PCCA: variants seen among roughly 807,000 people sequenced by gnomAD.
PCCA encodes the protein propionyl-CoA carboxylase alpha chain, mitochondrial.
Under a neutral mutation model 101.3 loss-of-function variants are expected in PCCA, and 74 were observed. That is an observed-to-expected ratio of 0.73 (90% CI 0.61 to 0.89). The LOEUF (loss-of-function observed/expected upper bound fraction) is 0.89. Among genes scored for constraint, PCCA ranks in the 40% least tolerant of loss-of-function variants. The probability of loss-of-function intolerance (pLI) is 0.00; values close to 1 mark genes in which losing one functional copy is unlikely to be tolerated. For synonymous variants in PCCA, 294 were observed against 313.6 expected, an observed-to-expected ratio of 0.94 and a Z score of 0.66; for missense variants, 891 against 907.0, an observed-to-expected ratio of 0.98 and a Z score of 0.23.
In PCCA at chr13:100,348,727, CCTTTCTTTCTTTCTTT is replaced by C. The variant is rs139583993; in HGVS notation, c.1643+8516_1643+8531del. Among the ~76,000 whole-genome samples, 441 of 99,382 alleles carry C rather than the reference CCTTTCTTTCTTTCTTT, an allele frequency of 4.4e-3. 5 individuals carry two copies. The highest frequency in any genetic ancestry group is 9.9e-3 in the African/African-American group (253 of 25,634). 65.2% of individuals were successfully genotyped at this position (99,382 alleles called of 152,430 possible). Reference sequence around the variant, plus strand: ...TCAGCTTTTACTTTCCGTTTTTTTTCCTTTCTTTCTTTCTTTCTTTCTTTCTTTCTTTCTTTCTTTC... The same window carrying C: ...TCAGCTTTTACTTTCCGTTTTTTTTCCTTTCTTTCTTTCTTTCTTTCTTTC... On this transcript the variant is annotated intron_variant, in intron 18 of 23. Transcript: ENST00000376285.
intron 6 of PCCA, among the ~76,000 whole-genome samples, chr13:100,168,577 T>A (rs544948725): frequency 6.6e-6 from 1 of 152,358 alleles, no homozygotes; most frequent in African/African-American, 2.4e-5. Context: ...TAGCTGTTAC[T>A]TATGCTAGTA....
At chr13:100,418,389 C>A (rs1427983748) in intron 19 of PCCA, among the ~76,000 whole-genome samples, 1 of 152,202 alleles carries the variant, frequency 6.6e-6, no homozygotes, top group African/African-American at 2.4e-5. Context: ...TCAGTGATTC[C>A]TTCCTGTCTT....
intron 20 of PCCA, among the ~76,000 whole-genome samples, chr13:100,440,155 A>ATT (rs1431592986): frequency 1.2e-4 from 12 of 102,876 alleles, no homozygotes; most frequent in African/African-American, 2.9e-4. Flanking sequence ...AGAGTATTAA[A>ATT]TTATATATAT....
chr13:100,180,066 G>A (rs76377454), intron 6 of PCCA, among the ~76,000 whole-genome samples: 15,085 of 152,088 alleles, frequency 0.099, 834 homozygotes, highest in Middle Eastern at 0.2. Context: ...TAAGAAGCTG[G>A]GATTTAGGTC....
At chr13:100,526,759 G>A (rs1211110283) in intron 22 of PCCA, among the ~76,000 whole-genome samples, 5 of 152,254 alleles carry the variant, frequency 3.3e-5, no homozygotes, top group African/African-American at 9.6e-5. Context: ...CGAAGTGAGT[G>A]CGCAGCATGG....
chr13:100,340,217 T>C lies in PCCA; in HGVS notation c.1601T>C (p.Val534Ala). 6.2e-7 allele frequency: 1 copy of C among 1,611,222 alleles called. No individual in the cohort carries two copies. The highest frequency in any genetic ancestry group is 8.5e-7 in the Non-Finnish European group (1 of 1,177,386). The change falls in exon 18 of 24, where the codon GTG becomes GCG. Residue 534 changes from valine (V) to alanine (A), a missense_variant. Physicochemically the swap from Val to Ala is moderately conservative, Grantham distance 64. Transcript: ENST00000376285. ...TTGGCAATAGCATCATCATTGTTTG[T>C]GGCATTCCAGTTAAGAGCACAACAT... ...QLLAIASSLF[V>A]AFQLRAQHFQ...
At chr13:100,150,942 C>G (rs970498180) in intron 4 of PCCA, 21 of 1,528,328 alleles carry the variant, frequency 1.4e-5, no homozygotes, top group Non-Finnish European at 3.6e-6. Context: ...GCCTCGCAGC[C>G]CAGTCAGCGC....
chr13:100,365,885 G>A (rs2075112797), intron 18 of PCCA, among the ~76,000 whole-genome samples: 1 of 152,224 alleles, frequency 6.6e-6, no homozygotes, highest in Non-Finnish European at 1.5e-5. Flanking sequence ...GTCAGCTTCT[G>A]TGACTCATCA....
At chr13:100,411,540 T>C (rs1344032875) in intron 19 of PCCA, among the ~76,000 whole-genome samples, 2 of 152,236 alleles carry the variant, frequency 1.3e-5, no homozygotes, top group Admixed American at 1.3e-4. Flanking sequence ...AACTGGTCTA[T>C]GCCCTGCAAG....
At chr13:100,115,421 A>G (rs1197859951) in intron 4 of PCCA, among the ~76,000 whole-genome samples, 3 of 152,216 alleles carry the variant, frequency 2.0e-5, no homozygotes, top group Non-Finnish European at 2.9e-5. Flanking sequence ...TTTAGGGAAT[A>G]GAATTGGGAT....
At chr13:100,389,016 G>T (rs570325444) in intron 19 of PCCA, among the ~76,000 whole-genome samples, 10 of 152,250 alleles carry the variant, frequency 6.6e-5, no homozygotes, top group Middle Eastern at 3.4e-3. Context: ...TATGACATAG[G>T]TCCTGGAGAA....
intron 18 of PCCA, among the ~76,000 whole-genome samples, chr13:100,343,513 A>T (rs1321949600): frequency 6.6e-6 from 1 of 152,266 alleles, no homozygotes; most frequent in Non-Finnish European, 1.5e-5. Flanking sequence ...CAGAAACCAG[A>T]TAAAGAAGAC....
At chr13:100,393,807 A>G (rs2076928009) in intron 19 of PCCA, among the ~76,000 whole-genome samples, 1 of 152,154 alleles carries the variant, frequency 6.6e-6, no homozygotes, top group African/African-American at 2.4e-5. Context: ...TCTTTGATTA[A>G]TTTTTTAACC....
chr13:100,519,604 T>A lies in PCCA; in HGVS notation c.2040+4037T>A, dbSNP rs570251917. ...GGCAGGCTCCCAAGCAGGTGTGCAG[T>A]CAGGGCCACAAGACACAGGCACCCC... On this transcript the variant is annotated intron_variant, in intron 22 of 23. Coordinates refer to ENST00000376285, the MANE Select transcript of PCCA (RefSeq NM_000282.4). 1.4e-4 allele frequency among the ~76,000 whole-genome samples: 21 copies of A among 152,330 alleles called. No homozygotes were observed. The South Asian group carries it at 3.9e-3, about 29-fold the overall frequency.
chr13:100,490,083 A>G (rs1213878200), intron 21 of PCCA: 1 of 152,258 alleles, frequency 6.6e-6, no homozygotes, highest in African/African-American at 2.4e-5. Context: ...CTATTTCTGC[A>G]TTCTGTCTTG....
At chr13:100,527,124 A>C (rs944120351) in intron 22 of PCCA, among the ~76,000 whole-genome samples, 1 of 151,778 alleles carries the variant, frequency 6.6e-6, no homozygotes, top group African/African-American at 2.4e-5. Context: ...GGTAACAGCT[A>C]TACTGAGATG....
chr13:100,517,407 CA>C (rs1329336296), intron 22 of PCCA, among the ~76,000 whole-genome samples: 5 of 152,128 alleles, frequency 3.3e-5, no homozygotes, highest in Non-Finnish European at 7.3e-5. Flanking sequence ...TGTAGAAAAG[CA>C]AGGCATTTCG....
chr13:100,138,677 G>A (rs2051468421), intron 4 of PCCA, among the ~76,000 whole-genome samples: 1 of 152,198 alleles, frequency 6.6e-6, no homozygotes, highest in South Asian at 2.1e-4. Context: ...GCTCACGCCT[G>A]TAATCACAGC....
intron 6 of PCCA, among the ~76,000 whole-genome samples, chr13:100,196,833 C>T (rs184247257): frequency 6.6e-6 from 1 of 152,300 alleles, no homozygotes; most frequent in East Asian, 1.9e-4. Flanking sequence ...ATAGCAATCA[C>T]ATCCATTTAT....
Sources: allele counts gnomAD v4.1 joint callset (sites outside exome capture counted in the v4.1 genomes callset), GRCh38; gene constraint gnomAD v4.1.1; transcripts MANE v1.5; gene names NCBI Gene and HGNC (gene_info 2026-07-23, HGNC 2026-07-21).